The following PI4KA variants were observed in gnomAD, a reference collection of about 807,000 sequenced individuals.
PI4KA encodes phosphatidylinositol 4-kinase alpha.
Under a neutral mutation model 271.4 loss-of-function variants are expected in PI4KA, and 122 were observed. That is an observed-to-expected ratio of 0.45 (90% CI 0.39 to 0.52). The LOEUF is 0.52. Ranked by LOEUF, PI4KA falls within the 20% of genes least tolerant of loss-of-function variation. The pLI, the probability that PI4KA is intolerant of heterozygous loss-of-function variation, is 0.00. For synonymous variants in PI4KA, 1,041 were observed against 1,078.8 expected, an observed-to-expected ratio of 0.96 and a Z score of 0.69; for missense variants, 1,969 against 2,769.1, an observed-to-expected ratio of 0.71 and a Z score of 6.48.
At chr22:20,850,412 A>G (rs1157230873) in intron 1 of PI4KA, among the ~76,000 whole-genome samples, 2 of 151,766 alleles carry the variant, frequency 1.3e-5, no homozygotes, top group Non-Finnish European at 1.5e-5. Flanking sequence ...AGGAGTCCCC[A>G]TAGGTCTCTG....
chr22:20,721,092 G>A (rs1041407730), intron 43 of PI4KA, among the ~76,000 whole-genome samples: 5 of 152,158 alleles, frequency 3.3e-5, no homozygotes, highest in East Asian at 3.9e-4. Context: ...GGGTGGCATC[G>A]GACAGCAAGT....
chr22:20,708,274 G>A (rs1371945893), intron 54 of PI4KA, among the ~76,000 whole-genome samples, 176 bp from the exon 55 acceptor site: 1 of 152,202 alleles, frequency 6.6e-6, no homozygotes. Context: ...GCTCCAACCC[G>A]GGGGACTCCG....
Position 20,766,425 on chromosome 22 carries a change from A to C in PI4KA, c.2329-732T>G, listed in dbSNP as rs553342632. Among the ~76,000 whole-genome samples, 9 of 152,326 alleles carry C rather than the reference A, an allele frequency of 5.9e-5. No homozygotes were observed. The South Asian group carries it at 1.9e-3, about 32-fold the overall frequency. ...ACGCCTGTAATCCCAACACTTTGGGAGGCCGAGGTGGGCAGATCACCTGAG... is the reference window on the plus strand; with the variant it reads ...ACGCCTGTAATCCCAACACTTTGGGCGGCCGAGGTGGGCAGATCACCTGAG... On this transcript the variant is annotated intron_variant, in intron 19 of 54. Coordinates refer to ENST00000255882, the MANE Select transcript of PI4KA (RefSeq NM_058004.4).
Position 20,749,887 on chromosome 22 carries a change from T to C in PI4KA, c.3243+18A>G. 1 of 1,537,546 alleles carries C rather than the reference T, an allele frequency of 6.5e-7. No individual in the cohort carries two copies. ...TTGAAGGAGCTTATGGCAATTGCCT[T>C]TTGATGGTTTCAAGTACCTGCAGGT... On this transcript the variant is annotated intron_variant, in intron 28 of 54. Transcript: ENST00000255882.
intron 7 of PI4KA, among the ~76,000 whole-genome samples, chr22:20,813,969 T>G (rs1921401344): frequency 6.6e-6 from 1 of 152,142 alleles, no homozygotes; most frequent in South Asian, 2.1e-4. Context: ...TAGGTAATTT[T>G]CGTATTTTTA....
intron 19 of PI4KA, chr22:20,784,133 G>A (rs1377291066): frequency 3.7e-6 from 6 of 1,614,066 alleles, no homozygotes; most frequent in Admixed American, 1.7e-5. Context: ...GGAATACGTG[G>A]GGGGCATCAG....
chr22:20,715,825 A>G (rs2147184275), intron 45 of PI4KA, among the ~76,000 whole-genome samples: 1 of 152,316 alleles, frequency 6.6e-6, no homozygotes, highest in African/African-American at 2.4e-5. Flanking sequence ...AAGCTTCTTC[A>G]GCTCAGGGAC....
At chr22:20,821,344 G>A (rs558924963) in intron 4 of PI4KA, among the ~76,000 whole-genome samples, 1 of 151,126 alleles carries the variant, frequency 6.6e-6, no homozygotes, top group African/African-American at 2.4e-5. Context: ...TCAGTCTCCT[G>A]AGTAGCTAAG....
At position 20,712,685 on chromosome 22, in the gene PI4KA, G is replaced by A; in HGVS notation, c.5676+8C>T. ...GGCTGCCCTACTGGCTCCACTCAGG[G>A]AACTTACCCCAGGGGCAGTGGCCAC... On this transcript the variant is annotated splice_region_variant and intron_variant, in intron 49 of 54. Coordinates refer to ENST00000255882, the MANE Select transcript of PI4KA (RefSeq NM_058004.4). 1 of 1,554,182 alleles carries A rather than the reference G, an allele frequency of 6.4e-7. No homozygotes were observed. The highest frequency in any genetic ancestry group is 1.2e-5 in the South Asian group (1 of 85,166).
At chr22:20,755,517 TGG>T (rs1032348133) in intron 23 of PI4KA, among the ~76,000 whole-genome samples, 5 of 152,166 alleles carry the variant, frequency 3.3e-5, no homozygotes, top group African/African-American at 1.2e-4. Context: ...GGCAACAGAA[TGG>T]GCTGGGCACA....
chr22:20,746,724 C>T (rs1930158668), intron 29 of PI4KA, among the ~76,000 whole-genome samples: 1 of 152,198 alleles, frequency 6.6e-6, no homozygotes, highest in South Asian at 2.1e-4. Context: ...GCAGGCTGGA[C>T]CCAGCTCAAC....
intron 45 of PI4KA, 26 bp from the exon 46 acceptor site, chr22:20,714,726 G>C: frequency 1.9e-6 from 3 of 1,609,600 alleles, no homozygotes; most frequent in Non-Finnish European, 2.5e-6. Context: ...GGCAGTCACA[G>C]GGAGTGCATG....
At chr22:20,741,122 T>C (rs953492569) in intron 32 of PI4KA, among the ~76,000 whole-genome samples, 1 of 152,216 alleles carries the variant, frequency 6.6e-6, no homozygotes, top group Non-Finnish European at 1.5e-5. Flanking sequence ...TAGTAAAATA[T>C]GAAAACAGGA....
At position 20,732,954 on chromosome 22, in the gene PI4KA, G is replaced by C; in HGVS notation, c.4288+17C>G. On this transcript the variant is annotated intron_variant, in intron 36 of 54. Transcript: ENST00000255882. ...CTGCCTGCCTCCACCATGAGCAGCT[G>C]CACTGTTGAGGGTTACCTGGGGGAA... 1.2e-6 allele frequency: 2 copies of C among 1,610,944 alleles called. No homozygotes were observed. The highest frequency in any genetic ancestry group is 2.2e-5 in the South Asian group (2 of 90,954).
At chr22:20,746,344 G>T (rs1435508605) in intron 29 of PI4KA, among the ~76,000 whole-genome samples, 3 of 151,966 alleles carry the variant, frequency 2.0e-5, no homozygotes, top group East Asian at 3.9e-4. Context: ...TTACAGGCAT[G>T]AGCCACCGTG....
At chr22:20,808,498 C>A (rs1444040917) in intron 9 of PI4KA, among the ~76,000 whole-genome samples, 1 of 148,310 alleles carries the variant, frequency 6.7e-6, no homozygotes, top group Admixed American at 6.7e-5. Flanking sequence ...GAGGCTGAGG[C>A]AGAATTGCTT....
At chr22:20,798,347 A>T (rs923767251) in intron 17 of PI4KA, 3 of 499,868 alleles carry the variant, frequency 6.0e-6, no homozygotes, top group Non-Finnish European at 1.1e-5. Context: ...CATGTGCAGC[A>T]TGGGCCCAAT....
intron 14 of PI4KA, among the ~76,000 whole-genome samples, chr22:20,800,698 T>TA (rs61390860): frequency 0.023 from 2,689 of 119,396 alleles, 42 homozygotes; most frequent in Middle Eastern, 0.078. Context: ...CCATCTCTAC[T>TA]AAAAAAAAAA....
intron 42 of PI4KA, among the ~76,000 whole-genome samples, chr22:20,723,033 TC>T (rs1287072520): frequency 1.3e-5 from 2 of 151,676 alleles, no homozygotes; most frequent in Non-Finnish European, 2.9e-5. Flanking sequence ...GATTTACTGT[TC>T]CTTTTTTTTT....
Sources: allele counts gnomAD v4.1 joint callset (sites outside exome capture counted in the v4.1 genomes callset), GRCh38; gene constraint gnomAD v4.1.1; transcripts MANE v1.5; gene names NCBI Gene and HGNC (gene_info 2026-07-23, HGNC 2026-07-21).